The following CRISPLD2 variants were observed in gnomAD, a reference collection of about 807,000 sequenced individuals.
CRISPLD2 encodes the protein cysteine-rich secretory protein LCCL domain-containing 2.
A neutral mutation model predicts 71.1 loss-of-function variants in CRISPLD2; 47 were observed. The observed-to-expected ratio is 0.66, with a 90% CI of 0.52 to 0.84. The LOEUF (loss-of-function observed/expected upper bound fraction) is 0.84, where lower values mean the gene tolerates loss of function less well. Among genes scored for constraint, CRISPLD2 ranks in the 40% least tolerant of loss-of-function variants. The pLI, the probability that CRISPLD2 is intolerant of heterozygous loss-of-function variation, is 0.00. For synonymous variants in CRISPLD2, 317 were observed against 250.1 expected, an observed-to-expected ratio of 1.27 and a Z score of -2.52; for missense variants, 830 against 651.1, an observed-to-expected ratio of 1.27 and a Z score of -2.99.
intron 1 of CRISPLD2, among the ~76,000 whole-genome samples, chr16:84,831,814 A>G (rs1416739031): frequency 1.3e-5 from 2 of 152,110 alleles, no homozygotes; most frequent in African/African-American, 4.8e-5. Context: ...GGCTCACTGC[A>G]ACCTCCACCT....
At chr16:84,852,135 C>T (rs539066004) in intron 5 of CRISPLD2, among the ~76,000 whole-genome samples, 150 of 152,328 alleles carry the variant, frequency 9.8e-4, no homozygotes, top group Non-Finnish European at 1.7e-3. Context: ...GAGATGAGGA[C>T]ATCAATCCTA....
chr16:84,823,117 C>G (rs950068871), intron 1 of CRISPLD2, among the ~76,000 whole-genome samples: 1 of 152,216 alleles, frequency 6.6e-6, no homozygotes, highest in African/African-American at 2.4e-5. Flanking sequence ...AATGTGTGGC[C>G]TTTTGTGTCT....
chr16:84,838,677 T>A lies in CRISPLD2; in HGVS notation c.182T>A (p.Met61Lys). 6.2e-7 allele frequency: 1 copy of A among 1,614,226 alleles called. No individual in the cohort carries two copies. The highest frequency in any genetic ancestry group is 8.5e-7 in the Non-Finnish European group (1 of 1,180,036). ...IPREDKEEIL[M>K]LHNKLRGQVQ... ...AGGGAGGACAAGGAGGAGATCCTCA[T>A]GCTGCACAACAAGCTTCGGGGCCAG... The change falls in exon 2 of 15, where the codon ATG becomes AAG. Residue 61 changes from methionine to lysine, a missense_variant. Physicochemically the swap from Met to Lys is moderately conservative, Grantham distance 95 (BLOSUM62 -1). Coordinates refer to ENST00000262424, the MANE Select transcript of CRISPLD2 (RefSeq NM_031476.4).
intron 7 of CRISPLD2, 26 bp from the exon 8 acceptor site, chr16:84,868,825 C>A: frequency 6.2e-7 from 1 of 1,604,248 alleles, no homozygotes; most frequent in Non-Finnish European, 8.5e-7. Context: ...CGTGCCGTGA[C>A]ATGTATTCCC....
chr16:84,906,218 C>T (rs1015124484), intron 14 of CRISPLD2, among the ~76,000 whole-genome samples: 2 of 151,956 alleles, frequency 1.3e-5, no homozygotes, highest in African/African-American at 4.8e-5. Context: ...GCTGAGATAG[C>T]ACCTGTTCAT....
chr16:84,877,419 C>T lies in CRISPLD2; in HGVS notation c.1157-19C>T, dbSNP rs1243509878. 1.2e-6 allele frequency: 2 copies of T among 1,612,780 alleles called. No homozygotes were observed. The highest frequency in any genetic ancestry group is 1.7e-5 in the Admixed American group (1 of 59,982). ...GGCGTGCTGGGACCTGACCCTTTCC[C>T]CCTTGCTCCTGTTCACAGTGCAGGA... On this transcript the variant is annotated intron_variant, in intron 11 of 14. Transcript: ENST00000262424.
chr16:84,900,354 A>G (rs1242498141), intron 14 of CRISPLD2, among the ~76,000 whole-genome samples: 1 of 152,070 alleles, frequency 6.6e-6, no homozygotes, highest in Non-Finnish European at 1.5e-5. Context: ...GCAGTTTCCA[A>G]TCTGGGGGCT....
chr16:84,849,208 G>T lies in CRISPLD2; in HGVS notation c.360-177G>T, dbSNP rs202015335. On this transcript the variant is annotated intron_variant, in intron 3 of 14. Transcript: ENST00000262424. ...GCTGCCCGTGGCTGCTCCTGGAATT[G>T]GGGGCTATTCCGCCTCCTCGGCCTC... 9.9e-4 allele frequency: 597 copies of T among 604,290 alleles called. 4 individuals carry two copies. In the African/African-American group the frequency reaches 0.01, roughly 10 times the overall value. 37.4% of individuals were successfully genotyped at this position (604,290 alleles called of 1,614,324 possible).
chr16:84,878,975 T>C (rs1170686491), intron 12 of CRISPLD2, among the ~76,000 whole-genome samples: 2 of 152,188 alleles, frequency 1.3e-5, no homozygotes, highest in East Asian at 1.9e-4. Flanking sequence ...GTGGCCCTCA[T>C]GAGCCCTCAT....
At chr16:84,903,340 G>T (rs952077479) in intron 14 of CRISPLD2, among the ~76,000 whole-genome samples, 2 of 152,188 alleles carry the variant, frequency 1.3e-5, no homozygotes, top group Non-Finnish European at 2.9e-5. Context: ...ACTTTGGGAG[G>T]CCGAGGCAGG....
intron 14 of CRISPLD2, among the ~76,000 whole-genome samples, chr16:84,901,003 T>G: frequency 7.1e-6 from 1 of 140,352 alleles, no homozygotes; most frequent in African/African-American, 2.7e-5. Context: ...TGAATCATGA[T>G]GGTGTCACTG....
chr16:84,896,403 C>G (rs185698609), intron 14 of CRISPLD2, among the ~76,000 whole-genome samples: 10 of 152,274 alleles, frequency 6.6e-5, no homozygotes, highest in Non-Finnish European at 1.5e-4. Context: ...CACACACACA[C>G]AGACACATAC....
intron 1 of CRISPLD2, among the ~76,000 whole-genome samples, chr16:84,823,378 GA>G (rs1916274465): frequency 6.6e-6 from 1 of 152,196 alleles, no homozygotes; most frequent in Non-Finnish European, 1.5e-5. Flanking sequence ...GTTTACCTGG[GA>G]GGGAATTGCT....
At chr16:84,820,860 G>C (rs1422036106) in intron 1 of CRISPLD2, among the ~76,000 whole-genome samples, 1 of 152,104 alleles carries the variant, frequency 6.6e-6, no homozygotes, top group Admixed American at 6.5e-5. Flanking sequence ...CCTGGAAGCG[G>C]AGGGCTCACT....
intron 6 of CRISPLD2, among the ~76,000 whole-genome samples, chr16:84,860,217 G>C (rs764754224): frequency 3.3e-5 from 5 of 152,088 alleles, no homozygotes; most frequent in Non-Finnish European, 5.9e-5. Context: ...TTAACTCCCT[G>C]AGCTGCAACA....
intron 13 of CRISPLD2, 111 bp downstream of exon 13, chr16:84,880,695 A>C (rs1239054650): frequency 1.9e-6 from 1 of 516,958 alleles, no homozygotes; most frequent in Non-Finnish European, 3.4e-6. Flanking sequence ...TCTTAGCTAA[A>C]TTAATTAATT....
intron 14 of CRISPLD2, among the ~76,000 whole-genome samples, chr16:84,898,731 C>G (rs2071728100): frequency 6.6e-6 from 1 of 152,176 alleles, no homozygotes; most frequent in South Asian, 2.1e-4. Flanking sequence ...CTGATGCTGC[C>G]CAGCACTTGG....
intron 2 of CRISPLD2, 47 bp from the exon 3 acceptor site, chr16:84,845,739 C>T (rs542902998): frequency 1.6e-6 from 2 of 1,287,264 alleles, no homozygotes; most frequent in South Asian, 2.4e-5. Context: ...TTCTTATGCC[C>T]CTCCCTCACC....
intron 13 of CRISPLD2, among the ~76,000 whole-genome samples, chr16:84,881,342 C>G (rs9939646): frequency 0.021 from 3,200 of 152,300 alleles, 112 homozygotes; most frequent in African/African-American, 0.074. Flanking sequence ...CTGGTTATAC[C>G]AATCTCTTCC....
Sources: allele counts gnomAD v4.1 joint callset (sites outside exome capture counted in the v4.1 genomes callset), GRCh38; gene constraint gnomAD v4.1.1; transcripts MANE v1.5; gene names NCBI Gene and HGNC (gene_info 2026-07-23, HGNC 2026-07-21).